The following LINGO2 variants were observed in gnomAD, a reference collection of about 807,000 sequenced individuals.
The protein encoded by LINGO2 is leucine-rich repeat and immunoglobulin-like domain-containing nogo receptor-interacting protein 2.
In LINGO2, 14 loss-of-function variants were observed where a neutral mutation model predicts 30.6. The ratio of observed to expected loss-of-function variants is 0.46; its 90% CI spans 0.30 to 0.72. The LOEUF is 0.72. Ranked by LOEUF, LINGO2 falls within the 30% of genes least tolerant of loss-of-function variation. The pLI is 0.07. For synonymous variants in LINGO2, 317 were observed against 288.5 expected (o/e 1.10, Z -1.00); for missense variants, 729 against 751.7 (o/e 0.97, Z 0.35).
chr9:28,339,506 A>G (rs547176519), intron 3 of LINGO2, among the ~76,000 whole-genome samples: 40 of 152,290 alleles, frequency 2.6e-4, no homozygotes, highest in Admixed American at 7.2e-4. Context: ...GTGAGTGTTC[A>G]GAGTTGCCTA....
At chr9:28,583,247 T>C (rs1471804042) in intron 1 of LINGO2, among the ~76,000 whole-genome samples, 2 of 152,028 alleles carry the variant, frequency 1.3e-5, no homozygotes, top group African/African-American at 4.8e-5. Flanking sequence ...ATATCATTAG[T>C]TTCATAGCTC....
chr9:28,799,083 G>T, the LINGO2 span, among the ~76,000 whole-genome samples: 8 of 151,980 alleles, frequency 5.3e-5, no homozygotes, highest in Non-Finnish European at 8.8e-5. Flanking sequence ...ATTTTATGGA[G>T]AACAAAGTAA....
At chr9:28,841,458 A>C in the LINGO2 span, among the ~76,000 whole-genome samples, 1 of 151,860 alleles carries the variant, frequency 6.6e-6, no homozygotes, top group East Asian at 1.9e-4. Context: ...TATGCAGAAA[A>C]CATACACTAT....
intron 5 of LINGO2, among the ~76,000 whole-genome samples, chr9:27,971,189 C>T (rs754037803): frequency 1.2e-4 from 18 of 148,220 alleles, no homozygotes; most frequent in Non-Finnish European, 2.7e-4. Context: ...TATCTTTTTT[C>T]CCTCCTATTC....
At chr9:28,309,075 T>C (rs1246441176) in intron 3 of LINGO2, among the ~76,000 whole-genome samples, 1 of 152,116 alleles carries the variant, frequency 6.6e-6, no homozygotes, top group African/African-American at 2.4e-5. Flanking sequence ...AGCCATCCCA[T>C]TACTGGGTAT....
At chr9:28,425,329 G>GTATATA (rs3064825) in intron 2 of LINGO2, among the ~76,000 whole-genome samples, 9 of 139,406 alleles carry the variant, frequency 6.5e-5, no homozygotes, top group African/African-American at 2.3e-4. Flanking sequence ...ATGTGTGTGT[G>GTATATA]TATATATATA....
intron 4 of LINGO2, among the ~76,000 whole-genome samples, chr9:28,053,121 TGA>T (rs199625187): frequency 0.014 from 2,192 of 152,146 alleles, 44 homozygotes; most frequent in African/African-American, 0.049. Flanking sequence ...TAAGGTATAA[TGA>T]GAGTCATAGG....
At chr9:28,570,184 T>C (rs912583517) in intron 1 of LINGO2, among the ~76,000 whole-genome samples, 2 of 151,958 alleles carry the variant, frequency 1.3e-5, no homozygotes, top group Non-Finnish European at 2.9e-5. Context: ...AACATAATGA[T>C]AGATACAATG....
chr9:29,021,983 T>C, the LINGO2 span, among the ~76,000 whole-genome samples: 9 of 152,166 alleles, frequency 5.9e-5, no homozygotes, highest in East Asian at 1.9e-4. Context: ...ACATTTCTTA[T>C]GGCAGTAAAG....
chr9:29,110,410 G>T, the LINGO2 span, among the ~76,000 whole-genome samples: 1 of 152,010 alleles, frequency 6.6e-6, no homozygotes, highest in Non-Finnish European at 1.5e-5. Context: ...TCGGCTCACT[G>T]CAAGCTCCAC....
At chr9:28,189,249 AAGGG>A (rs1450468465) in intron 4 of LINGO2, among the ~76,000 whole-genome samples, 8 of 105,400 alleles carry the variant, frequency 7.6e-5, no homozygotes, top group East Asian at 3.0e-4. Context: ...GGAAGGGAGG[AAGGG>A]AGGAAGGAAG....
intron 2 of LINGO2, among the ~76,000 whole-genome samples, chr9:28,436,300 C>T (rs1440122193): frequency 1.3e-5 from 2 of 152,038 alleles, no homozygotes; most frequent in Non-Finnish European, 2.9e-5. Flanking sequence ...ACCTTTGCAA[C>T]CTAATAGTTT....
At chr9:28,768,836 C>T in the LINGO2 span, among the ~76,000 whole-genome samples, 3 of 152,056 alleles carry the variant, frequency 2.0e-5, no homozygotes, top group Non-Finnish European at 2.9e-5. Flanking sequence ...CACAGTATGA[C>T]AGAATTGGAA....
At chr9:28,619,008 G>A (rs1826269905) in intron 1 of LINGO2, among the ~76,000 whole-genome samples, 1 of 152,152 alleles carries the variant, frequency 6.6e-6, no homozygotes, top group South Asian at 2.1e-4. Flanking sequence ...CTTCGTAAAT[G>A]ATTGCCACTT....
intron 5 of LINGO2, among the ~76,000 whole-genome samples, chr9:27,981,295 A>G (rs1463530688): frequency 6.6e-6 from 1 of 151,698 alleles, no homozygotes; most frequent in Non-Finnish European, 1.5e-5. Flanking sequence ...CTTGTAAGAT[A>G]ATATTATCTC....
At chr9:28,900,142 T>C in the LINGO2 span, among the ~76,000 whole-genome samples, 1 of 151,830 alleles carries the variant, frequency 6.6e-6, no homozygotes, top group African/African-American at 2.4e-5. Flanking sequence ...GTACCCACCA[T>C]ACCATGTACC....
chr9:29,188,291 C>A, the LINGO2 span, among the ~76,000 whole-genome samples: 1 of 151,644 alleles, frequency 6.6e-6, no homozygotes, highest in South Asian at 2.1e-4. Flanking sequence ...TCCATTTAAC[C>A]CTGAGTGGAC....
chr9:29,005,375 G>GA, the LINGO2 span, among the ~76,000 whole-genome samples: 1 of 151,584 alleles, frequency 6.6e-6, no homozygotes, highest in Non-Finnish European at 1.5e-5. Flanking sequence ...TAGATTAATA[G>GA]AAAAATATAT....
chr9:28,017,238 T>G (rs1050741117), intron 4 of LINGO2, among the ~76,000 whole-genome samples: 10 of 152,158 alleles, frequency 6.6e-5, no homozygotes, highest in African/African-American at 2.4e-4. Context: ...AACATCATAC[T>G]GAACAGGCAA....
Sources: gnomAD v4.1 joint callset for allele counts (sites outside exome capture counted in the v4.1 genomes callset) on GRCh38, gnomAD v4.1.1 for gene constraint, MANE v1.5 for transcripts, NCBI Gene and HGNC (gene_info 2026-07-23, HGNC 2026-07-21) for gene names.